Variants in IQANK1 observed in about 807,000 individuals in gnomAD.
The protein encoded by IQANK1 is IQ motif and ankyrin repeat containing 1, also known as IQ motif and ankyrin repeat domain-containing protein 1.
IQANK1 carries 30 observed loss-of-function variants against 22.6 expected under a neutral mutation model. The ratio of observed to expected loss-of-function variants is 1.33; its 90% CI spans 0.99 to 1.80. The LOEUF (loss-of-function observed/expected upper bound fraction) is 1.80. IQANK1 is among the 40% of genes most tolerant of loss of function. The probability of loss-of-function intolerance (pLI) is 0.00; values close to 1 mark genes in which losing one functional copy is unlikely to be tolerated. For synonymous variants in IQANK1, 122 were observed against 99.6 expected (o/e 1.23, Z -1.34); for missense variants, 275 against 235.2 (o/e 1.17, Z -1.11).
chr8:143,759,073 T>C, intron 3 of IQANK1: 2 of 280,252 alleles, frequency 7.1e-6, no homozygotes, highest in Non-Finnish European at 7.1e-6. Context: ...GTCCTGCATT[T>C]GGCCGGACAT....
chr8:143,736,420 C>T (rs1241672314), intron 2 of IQANK1, among the ~76,000 whole-genome samples: 1 of 152,150 alleles, frequency 6.6e-6, no homozygotes, highest in African/African-American at 2.4e-5. Flanking sequence ...GCTGGGATTA[C>T]AGGCTTGAGC....
At chr8:143,765,886 T>G (rs1306993635) in intron 3 of IQANK1, among the ~76,000 whole-genome samples, 3 of 152,210 alleles carry the variant, frequency 2.0e-5, no homozygotes, top group Non-Finnish European at 4.4e-5. Context: ...TAGATTTTGG[T>G]TTTAAAAATA....
intron 3 of IQANK1, among the ~76,000 whole-genome samples, chr8:143,752,235 G>A (rs536972522): frequency 1.3e-5 from 2 of 152,276 alleles, no homozygotes; most frequent in East Asian, 1.9e-4. Context: ...CAAAGTGCTG[G>A]GATTACAGGC....
rs185919815 is a variant in IQANK1 at position 143,763,892 on chromosome 8, C to T, written c.176-7596C>T. Among the ~76,000 whole-genome samples, 22 of 152,280 alleles carry T rather than the reference C, an allele frequency of 1.4e-4. No homozygotes were observed. The East Asian group carries it at 4.0e-3, about 28-fold the overall frequency. On this transcript the variant is annotated intron_variant, in intron 3 of 13. Transcript: ENST00000527139. ...CTAGGGGCAGGCAGAGTGGTTAACC[C>T]TCTTTTAACATATGAATACACTGGG...
chr8:143,762,092 T>C (rs1435325048), intron 3 of IQANK1, among the ~76,000 whole-genome samples: 3 of 152,184 alleles, frequency 2.0e-5, no homozygotes, highest in Non-Finnish European at 4.4e-5. Flanking sequence ...AATGTATCAA[T>C]ATACCAGAAA....
Position 143,790,632 on chromosome 8 carries a change from C to T in IQANK1, c.*24C>T, listed in dbSNP as rs938370651. 12 of 398,558 alleles carry T rather than the reference C, an allele frequency of 3.0e-5. No homozygotes were observed. Among genetic ancestry groups the T allele is most frequent in the East Asian group, 2.8e-4 (8 of 28,088 alleles). 24.7% of individuals were successfully genotyped at this position (398,558 alleles called of 1,614,324 possible). On this transcript the variant is annotated 3_prime_UTR_variant, in exon 14 of 14. Coordinates refer to ENST00000527139, the MANE Select transcript of IQANK1 (RefSeq NM_001381874.1). ...AGTGCTGGCCCCAGTCCCAATAAAACGTGTGCCCCGGGGCGCGGTGCTGCA... is the reference window on the plus strand; with the variant it reads ...AGTGCTGGCCCCAGTCCCAATAAAATGTGTGCCCCGGGGCGCGGTGCTGCA...
At chr8:143,767,556 G>A (rs1394244233) in intron 3 of IQANK1, among the ~76,000 whole-genome samples, 3 of 152,172 alleles carry the variant, frequency 2.0e-5, no homozygotes, top group Middle Eastern at 3.4e-3. Context: ...ACAGTACAAG[G>A]AACAGAACCA....
rs1554630162 is a variant in IQANK1 at position 143,774,802 on chromosome 8, G to A, written c.789+2320G>A. Reference sequence around the variant, plus strand: ...CACTAGCTTGGTGCATTCCTGCCACGAAACACGCTTGGCAATAAAACGGTG... The same window carrying A: ...CACTAGCTTGGTGCATTCCTGCCACAAAACACGCTTGGCAATAAAACGGTG... On this transcript the variant is annotated intron_variant, in intron 7 of 13. Coordinates refer to ENST00000527139, the MANE Select transcript of IQANK1 (RefSeq NM_001381874.1). The surrounding 1 kb of genome is among the most constrained non-coding windows in gnomAD (Gnocchi z 4.2). Among the ~76,000 whole-genome samples the A allele has an allele frequency of 2.6e-5, 4 of 152,200 alleles. No individual in the cohort carries two copies. The highest frequency in any genetic ancestry group is 3.8e-4 in the East Asian group (2 of 5,208).
At chr8:143,754,915 C>T (rs1232420646) in intron 3 of IQANK1, among the ~76,000 whole-genome samples, 6 of 152,040 alleles carry the variant, frequency 3.9e-5, no homozygotes, top group Non-Finnish European at 7.4e-5. Flanking sequence ...CGTGAGCCAC[C>T]GCGCCCAGCC....
Position 143,783,341 on chromosome 8 carries a change from TG to T in IQANK1, c.790-5573del, listed in dbSNP as rs1819831226. 4.6e-5 allele frequency among the ~76,000 whole-genome samples: 7 copies of T among 152,330 alleles called. No individual in the cohort carries two copies. In the South Asian group the frequency reaches 1.2e-3, roughly 27 times the overall value. ...TACCTTGCATTTCCCTGCCAACTAA[TG>T]AAGTTGAGAACTCTTAGGCATATTA... On this transcript the variant is annotated intron_variant, in intron 7 of 13. Transcript: ENST00000527139.
At chr8:143,782,365 A>G (rs1357022652) in intron 7 of IQANK1, among the ~76,000 whole-genome samples, 1 of 152,318 alleles carries the variant, frequency 6.6e-6, no homozygotes, top group African/African-American at 2.4e-5. Flanking sequence ...GAGTGATGGG[A>G]GAGAGCATCC....
At chr8:143,748,618 T>C (rs1819085551) in intron 3 of IQANK1, among the ~76,000 whole-genome samples, 1 of 128,158 alleles carries the variant, frequency 7.8e-6, no homozygotes, top group Non-Finnish European at 1.5e-5. Context: ...AATATATAAA[T>C]ATATAATATA....
At chr8:143,742,831 GT>G (rs1281482887) in intron 3 of IQANK1, 10 of 456,000 alleles carry the variant, frequency 2.2e-5, no homozygotes, top group African/African-American at 4.0e-5. Flanking sequence ...ACTGGGGATG[GT>G]CCCAAACATG....
Position 143,777,548 on chromosome 8 carries a change from TA to T in IQANK1, c.789+5075del, listed in dbSNP as rs1228596522. Reference sequence around the variant, plus strand: ...AAAAAAAAAAAAAAAAACAAACCACTAAAAAAAAATCCCAAAATATACCGGA... The same window carrying T: ...AAAAAAAAAAAAAAAAACAAACCACTAAAAAAAATCCCAAAATATACCGGA... On this transcript the variant is annotated intron_variant, in intron 7 of 13. Coordinates refer to ENST00000527139, the MANE Select transcript of IQANK1 (RefSeq NM_001381874.1). 3.2e-5 allele frequency among the ~76,000 whole-genome samples: 4 copies of T among 126,748 alleles called. No homozygotes were observed. The East Asian group carries it at 7.0e-4, about 22-fold the overall frequency. The allele number at this position is 126,748 out of a possible 152,430, so 83.2% of individuals were successfully genotyped here.
chr8:143,734,739 G>A (rs544028756), intron 1 of IQANK1, among the ~76,000 whole-genome samples: 2 of 151,990 alleles, frequency 1.3e-5, no homozygotes, highest in Admixed American at 6.5e-5. Flanking sequence ...CCTCACATAC[G>A]GAACCCTGTG....
rs1554626241 is a variant in IQANK1, at chr8:143,739,964, TC to T, written c.175+19del. 2 of 683,958 alleles carry T rather than the reference TC, an allele frequency of 2.9e-6. No homozygotes were observed. Among genetic ancestry groups the T allele is most frequent in the South Asian group, 3.0e-5 (2 of 65,660 alleles). 42.4% of individuals were successfully genotyped at this position (683,958 alleles called of 1,614,324 possible). On this transcript the variant is annotated intron_variant, in intron 3 of 13. Transcript: ENST00000527139. ...GCCCCCACAGGTGAGAGCCCGCACG[TC>T]CCGCGCCGCTGTGGGTGACCGGGTG...
intron 3 of IQANK1, chr8:143,741,940 A>T (rs1196962857): frequency 4.6e-6 from 1 of 215,714 alleles, no homozygotes; most frequent in African/African-American, 2.2e-5. Flanking sequence ...TCCATCTTGG[A>T]AAATGAGCTC....
intron 7 of IQANK1, among the ~76,000 whole-genome samples, chr8:143,778,855 G>T (rs138544142): frequency 7.7e-4 from 117 of 152,304 alleles, no homozygotes; most frequent in Middle Eastern, 3.4e-3. Flanking sequence ...TCTGCCTCCC[G>T]GGTTTATGCG....
chr8:143,764,236 A>C (rs1001117279), intron 3 of IQANK1, among the ~76,000 whole-genome samples: 4 of 152,112 alleles, frequency 2.6e-5, no homozygotes, highest in Admixed American at 2.0e-4. Context: ...TGACTCATAC[A>C]ACCTGTAAGC....
Sources: allele counts gnomAD v4.1 joint callset (sites outside exome capture counted in the v4.1 genomes callset), GRCh38; gene constraint gnomAD v4.1.1; non-coding constraint Gnocchi (gnomAD v3.1); transcripts MANE v1.5; gene names NCBI Gene and HGNC (gene_info 2026-07-23, HGNC 2026-07-21).